The following VAV2 variants were observed in gnomAD, a reference collection of about 807,000 sequenced individuals.
VAV2 encodes vav guanine nucleotide exchange factor 2.
In VAV2, 67 loss-of-function variants were observed where a neutral mutation model predicts 132.5. That is an observed-to-expected ratio of 0.51 (90% CI 0.42 to 0.62). The LOEUF (loss-of-function observed/expected upper bound fraction) is 0.62. Ranked by LOEUF, VAV2 falls within the 20% of genes least tolerant of loss-of-function variation. VAV2 has a pLI of 0.00. For synonymous variants in VAV2, 492 were observed against 443.5 expected (o/e 1.11, Z -1.37); for missense variants, 938 against 1,153.6 (o/e 0.81, Z 2.71).
chr9:133,776,737 A>G (rs1374950589), intron 23 of VAV2, among the ~76,000 whole-genome samples: 1 of 152,130 alleles, frequency 6.6e-6, no homozygotes, highest in Non-Finnish European at 1.5e-5. Context: ...CCCTTTCAGC[A>G]GAGGTAGCAC....
At chr9:133,780,052 C>A in intron 20 of VAV2, 113 bp from the exon 21 acceptor site, 1 of 1,450,142 alleles carries the variant, frequency 6.9e-7, no homozygotes, top group South Asian at 1.2e-5. Flanking sequence ...ATAGAGGGGT[C>A]AAGGCAGGAG....
intron 1 of VAV2, among the ~76,000 whole-genome samples, chr9:133,962,015 T>C (rs1374730353): frequency 6.6e-6 from 1 of 152,060 alleles, no homozygotes; most frequent in Non-Finnish European, 1.5e-5. Flanking sequence ...ATCCCCACCT[T>C]GATGGCCTCA....
chr9:133,783,713 A>G, intron 18 of VAV2, 122 bp from the exon 19 acceptor site: 2 of 816,064 alleles, frequency 2.5e-6, no homozygotes, highest in South Asian at 3.0e-5. Flanking sequence ...CAGCACACAC[A>G]TCCCTCATAG....
intron 3 of VAV2, among the ~76,000 whole-genome samples, chr9:133,844,122 G>C (rs1836836183): frequency 6.6e-6 from 1 of 152,226 alleles, no homozygotes; most frequent in African/African-American, 2.4e-5. Flanking sequence ...GGAAAGAAAT[G>C]CTCGGTCCCC....
chr9:133,953,725 G>A (rs1223516438), intron 1 of VAV2, among the ~76,000 whole-genome samples: 2 of 152,092 alleles, frequency 1.3e-5, no homozygotes, highest in Non-Finnish European at 2.9e-5. Context: ...TTCCGGCAGG[G>A]AGATGCAGGT....
chr9:133,815,123 A>G (rs1311870436), intron 4 of VAV2, among the ~76,000 whole-genome samples: 3 of 152,018 alleles, frequency 2.0e-5, no homozygotes, highest in Admixed American at 6.6e-5. Context: ...TGAACAGATG[A>G]GACTCGAAGG....
chr9:133,939,942 G>A (rs944423041), intron 1 of VAV2, among the ~76,000 whole-genome samples: 5 of 152,218 alleles, frequency 3.3e-5, no homozygotes, highest in Admixed American at 1.3e-4. Context: ...GTGAGCTCTC[G>A]GCCCTCACTG....
At chr9:133,810,353 G>A (rs936641291) in intron 5 of VAV2, 148 bp from the exon 6 acceptor site, 7 of 1,325,664 alleles carry the variant, frequency 5.3e-6, no homozygotes, top group Non-Finnish European at 7.3e-6. Context: ...CTGCCCAGCT[G>A]GGCAGGGCGA....
intron 29 of VAV2, among the ~76,000 whole-genome samples, chr9:133,767,381 A>G (rs139949714): frequency 2.0e-5 from 3 of 152,344 alleles, no homozygotes; most frequent in African/African-American, 7.2e-5. Flanking sequence ...AAGACGTTTC[A>G]TAATGGTAAC....
At chr9:133,817,549 AG>A (rs1217251352) in intron 4 of VAV2, among the ~76,000 whole-genome samples, 1 of 152,206 alleles carries the variant, frequency 6.6e-6, no homozygotes, top group Non-Finnish European at 1.5e-5. Context: ...TGGAGCTTGC[AG>A]TGAGCTGAGA....
chr9:133,790,095 G>T (rs1825805188), intron 13 of VAV2, among the ~76,000 whole-genome samples: 1 of 152,336 alleles, frequency 6.6e-6, no homozygotes, highest in Non-Finnish European at 1.5e-5. Flanking sequence ...CACCTTCCCT[G>T]TGGCAATGGG....
At chr9:133,888,121 C>T (rs887857797) in intron 2 of VAV2, among the ~76,000 whole-genome samples, 4 of 152,146 alleles carry the variant, frequency 2.6e-5, no homozygotes, top group African/African-American at 9.7e-5. Flanking sequence ...TACAGGAGGT[C>T]CCCGCAGGAC....
intron 3 of VAV2, among the ~76,000 whole-genome samples, chr9:133,835,699 C>T (rs1208961875): frequency 6.6e-6 from 1 of 152,200 alleles, no homozygotes; most frequent in East Asian, 1.9e-4. Context: ...AGCCCGAGAT[C>T]CAGCAGGGAC....
chr9:133,962,288 T>C (rs56270445), intron 1 of VAV2, among the ~76,000 whole-genome samples: 6,237 of 152,204 alleles, frequency 0.041, 154 homozygotes, highest in South Asian at 0.06. Context: ...AAGCCCCATC[T>C]TCTAGGAGGG....
At position 133,833,196 on chromosome 9, in the gene VAV2, T is replaced by G. The variant is rs914170031; in HGVS notation, c.449+1076A>C. On this transcript the variant is annotated intron_variant, in intron 4 of 29. Coordinates refer to ENST00000371850, the MANE Select transcript of VAV2 (RefSeq NM_001134398.2). The surrounding 1 kb of genome is among the most constrained non-coding windows in gnomAD (Gnocchi z 5.6). ...TGCCACATGCTGATATGGGGATGAC[T>G]TGAATTGTGTATATACACAGGGATC... is the stretch of plus-strand genomic sequence containing the variant. Among the ~76,000 whole-genome samples, 2 of 152,118 alleles carry G rather than the reference T, an allele frequency of 1.3e-5. No homozygotes were observed. The highest frequency in any genetic ancestry group is 6.5e-5 in the Admixed American group (1 of 15,280).
At chr9:133,968,072 G>A (rs1289514704) in intron 1 of VAV2, among the ~76,000 whole-genome samples, 1 of 152,062 alleles carries the variant, frequency 6.6e-6, no homozygotes, top group Non-Finnish European at 1.5e-5. Context: ...GGAAAGTGAA[G>A]AGAGATTGGT....
At chr9:133,838,160 A>G (rs1836545577) in intron 3 of VAV2, among the ~76,000 whole-genome samples, 1 of 151,510 alleles carries the variant, frequency 6.6e-6, no homozygotes. Context: ...TGCCCATGCT[A>G]CCTCTGGCCT....
At chr9:133,866,464 T>C (rs552166405) in intron 2 of VAV2, among the ~76,000 whole-genome samples, 6 of 152,038 alleles carry the variant, frequency 3.9e-5, no homozygotes, top group Non-Finnish European at 8.8e-5. Flanking sequence ...AGGACACGCC[T>C]ACTCAACATC....
At chr9:133,851,913 A>ATGGATGGATGGATGGATGGG (rs1837197946) in intron 3 of VAV2, among the ~76,000 whole-genome samples, 1 of 121,000 alleles carries the variant, frequency 8.3e-6, no homozygotes, top group Non-Finnish European at 1.7e-5. Flanking sequence ...GGATGGGTGG[A>ATGGATGGATGGATGGATGGG]TGGATGGATG....
Sources: allele counts gnomAD v4.1 joint callset (sites outside exome capture counted in the v4.1 genomes callset), GRCh38; gene constraint gnomAD v4.1.1; non-coding constraint Gnocchi (gnomAD v3.1); transcripts MANE v1.5; gene names NCBI Gene and HGNC (gene_info 2026-07-23, HGNC 2026-07-21).